Variants in BCAS3 observed in about 807,000 individuals in gnomAD.
The protein encoded by BCAS3 is BCAS3 microtubule associated cell migration factor, also known as BCAS4/BCAS3 fusion.
A neutral mutation model predicts 116.1 loss-of-function variants in BCAS3; 53 were observed. The ratio of observed to expected loss-of-function variants is 0.46; its 90% CI spans 0.37 to 0.57. The LOEUF (loss-of-function observed/expected upper bound fraction) is 0.57. Ranked by LOEUF, BCAS3 falls within the 20% of genes least tolerant of loss-of-function variation. The probability of loss-of-function intolerance (pLI) is 0.00; values close to 1 mark genes in which losing one functional copy is unlikely to be tolerated. For missense variants in BCAS3, 917 were observed against 1,165.4 expected, an observed-to-expected ratio of 0.79 and a Z score of 3.10; for synonymous variants, 391 against 408.2, an observed-to-expected ratio of 0.96 and a Z score of 0.51.
At chr17:60,975,963 T>A (rs1431740721) in intron 14 of BCAS3, among the ~76,000 whole-genome samples, 1 of 151,486 alleles carries the variant, frequency 6.6e-6, no homozygotes, top group African/African-American at 2.4e-5. Context: ...GACATTTAAG[T>A]TGTTTCCACA....
chr17:60,893,600 C>CTTT (rs930873750), intron 10 of BCAS3, among the ~76,000 whole-genome samples: 1,063 of 82,062 alleles, frequency 0.013, 106 homozygotes, highest in African/African-American at 0.038. Context: ...GACCTATGAT[C>CTTT]TTTTTTTTTT....
At chr17:60,700,001 C>T (rs1213619221) in intron 4 of BCAS3, among the ~76,000 whole-genome samples, 2 of 151,784 alleles carry the variant, frequency 1.3e-5, no homozygotes, top group African/African-American at 4.8e-5. Context: ...AGTGAAATCC[C>T]ATCTCTACAA....
At chr17:61,001,299 A>G (rs1001128336) in intron 15 of BCAS3, among the ~76,000 whole-genome samples, 7 of 151,928 alleles carry the variant, frequency 4.6e-5, no homozygotes, top group African/African-American at 1.7e-4. Context: ...TAGCATCTGT[A>G]TGAGGCATTC....
At chr17:60,781,888 G>C (rs184605570) in intron 6 of BCAS3, among the ~76,000 whole-genome samples, 1 of 151,798 alleles carries the variant, frequency 6.6e-6, no homozygotes, top group South Asian at 2.1e-4. Flanking sequence ...AAGCTTTCTG[G>C]TTCTTTCTTT....
chr17:61,034,790 G>A lies in BCAS3; in HGVS notation c.1762G>A (p.Asp588Asn). The A allele has an allele frequency of 6.3e-7, 1 of 1,589,456 alleles. No homozygotes were observed. The highest frequency in any genetic ancestry group is 8.5e-7 in the Non-Finnish European group (1 of 1,172,032). The change falls in exon 17 of 24, where the codon GAT becomes AAT. Residue 588 changes from aspartate to asparagine, a missense_variant and splice_region_variant. Physicochemically the swap from Asp to Asn is conservative, Grantham distance 23. Transcript: ENST00000407086. The surrounding 1 kb of genome is among the most constrained non-coding windows in gnomAD (Gnocchi z 5.0). ...TAATGCAGGTCTGAAAAGAGAAAAA[G>A]GTATGTATTTTTACTGAAAAATGAA... ...ANNAGLKREK[D>N]QSKQVVVESL...
At position 60,993,206 on chromosome 17, in the gene BCAS3, C is replaced by A. The variant is rs1198432229; in HGVS notation, c.1486+2971C>A. 2.0e-5 allele frequency among the ~76,000 whole-genome samples: 3 copies of A among 152,138 alleles called. No individual in the cohort carries two copies. Among genetic ancestry groups the A allele is most frequent in the East Asian group, 1.9e-4 (1 of 5,206 alleles). ...AAGACAGATATTAAATGACTGTGAA[C>A]AAATACCTTTCAATATACTTTTGTT... On this transcript the variant is annotated intron_variant, in intron 15 of 23. Coordinates refer to ENST00000407086, the MANE Select transcript of BCAS3 (RefSeq NM_017679.5). This position sits in a 1 kb window ranked among gnomAD's most constrained non-coding sequence, Gnocchi z 4.2.
chr17:60,858,646 A>T (rs1236137705), intron 7 of BCAS3, among the ~76,000 whole-genome samples: 1 of 152,036 alleles, frequency 6.6e-6, no homozygotes, highest in Non-Finnish European at 1.5e-5. Context: ...TGTATGTTTA[A>T]TTTTTTTACA....
At chr17:61,237,185 C>T (rs1389159228) in intron 22 of BCAS3, among the ~76,000 whole-genome samples, 2 of 152,126 alleles carry the variant, frequency 1.3e-5, no homozygotes, top group African/African-American at 4.8e-5. Flanking sequence ...ACACACCAAT[C>T]AGCACTCTGC....
chr17:60,716,228 C>G (rs1598263155), intron 5 of BCAS3, among the ~76,000 whole-genome samples: 1 of 152,012 alleles, frequency 6.6e-6, no homozygotes, highest in Non-Finnish European at 1.5e-5. Context: ...GGGGTAAGCA[C>G]AATAGATGTG....
Position 61,082,822 on chromosome 17 carries a change from A to T in BCAS3, c.2328-1645A>T, listed in dbSNP as rs935742430. Among the ~76,000 whole-genome samples the T allele has an allele frequency of 6.6e-6, 1 of 152,186 alleles. No individual in the cohort carries two copies. The highest frequency in any genetic ancestry group is 2.4e-5 in the African/African-American group (1 of 41,438). Reference sequence around the variant, plus strand: ...GGTGGAATGAATATTGGGTAGTCCTACATAGCAGTGATCAATATTTGTTAA... The same window carrying T: ...GGTGGAATGAATATTGGGTAGTCCTTCATAGCAGTGATCAATATTTGTTAA... On this transcript the variant is annotated intron_variant, in intron 21 of 23. Coordinates refer to ENST00000407086, the MANE Select transcript of BCAS3 (RefSeq NM_017679.5). This position sits in a 1 kb window ranked among gnomAD's most constrained non-coding sequence, Gnocchi z 5.1.
chr17:61,042,891 C>CAAAAAAAAAAAAAAAAAAAA (rs35629825), intron 19 of BCAS3, among the ~76,000 whole-genome samples: 10 of 58,284 alleles, frequency 1.7e-4, no homozygotes, highest in African/African-American at 5.0e-4. Flanking sequence ...CTCCATCTCA[C>CAAAAAAAAAAAAAAAAAAAA]AAAAAAAAAA....
intron 10 of BCAS3, among the ~76,000 whole-genome samples, chr17:60,897,222 G>T (rs576261756): frequency 2.5e-4 from 38 of 152,180 alleles, no homozygotes; most frequent in Non-Finnish European, 4.9e-4. Context: ...TCAACCCTTT[G>T]AATCTATAAT....
rs1286793417 is a variant in BCAS3 at position 61,251,536 on chromosome 17, C to T, written c.2426-116791C>T. On this transcript the variant is annotated intron_variant, in intron 22 of 23. Coordinates refer to ENST00000407086, the MANE Select transcript of BCAS3 (RefSeq NM_017679.5). This position sits in a 1 kb window ranked among gnomAD's most constrained non-coding sequence, Gnocchi z 4.7. ...AGTGAGCCGAGATTGCGCCATTCCA[C>T]TCCAGCCTGGGCAACAAGAGCGAAA... 2.0e-5 allele frequency among the ~76,000 whole-genome samples: 3 copies of T among 150,692 alleles called. No homozygotes were observed. Among genetic ancestry groups the T allele is most frequent in the Admixed American group, 1.3e-4 (2 of 15,070 alleles).
chr17:60,716,872 C>A (rs75697151), intron 5 of BCAS3, among the ~76,000 whole-genome samples: 5 of 152,138 alleles, frequency 3.3e-5, no homozygotes, highest in African/African-American at 1.2e-4. Context: ...TTCTTTCACT[C>A]AGCAAAGATT....
intron 12 of BCAS3, among the ~76,000 whole-genome samples, chr17:60,921,813 TA>T (rs140043756): frequency 1.1e-4 from 16 of 146,354 alleles, no homozygotes; most frequent in Admixed American, 4.8e-4. Flanking sequence ...AAGTTGAAAT[TA>T]AAAAAAAAAC....
At chr17:60,790,211 G>A (rs2046641525) in intron 6 of BCAS3, among the ~76,000 whole-genome samples, 1 of 152,132 alleles carries the variant, frequency 6.6e-6, no homozygotes, top group African/African-American at 2.4e-5. Context: ...TACTTCAGTA[G>A]GTTAGTGAAA....
chr17:60,971,628 G>A (rs1442485665), intron 14 of BCAS3, among the ~76,000 whole-genome samples: 3 of 152,170 alleles, frequency 2.0e-5, no homozygotes. Flanking sequence ...TCAGGCCCAG[G>A]TATTTAAAGG....
rs2070238823 is a variant in BCAS3 at position 61,063,132 on chromosome 17, A to T, written c.2030-11788A>T. Among the ~76,000 whole-genome samples the T allele has an allele frequency of 6.6e-6, 1 of 152,144 alleles. No individual in the cohort carries two copies. On this transcript the variant is annotated intron_variant, in intron 19 of 23. Coordinates refer to ENST00000407086, the MANE Select transcript of BCAS3 (RefSeq NM_017679.5). The surrounding 1 kb of genome is among the most constrained non-coding windows in gnomAD (Gnocchi z 5.3). ...AGCATCCTAAAAAACTGTTGCCGTGACCTTTGCTCTTGCCCACTTTTGCTT... is the reference window on the plus strand; with the variant it reads ...AGCATCCTAAAAAACTGTTGCCGTGTCCTTTGCTCTTGCCCACTTTTGCTT...
At chr17:61,297,051 A>G (rs1392781760) in intron 22 of BCAS3, among the ~76,000 whole-genome samples, 2 of 152,234 alleles carry the variant, frequency 1.3e-5, no homozygotes, top group Non-Finnish European at 2.9e-5. Flanking sequence ...GACTGGATCC[A>G]GGAAACCGCC....
Sources: allele counts gnomAD v4.1 joint callset (sites outside exome capture counted in the v4.1 genomes callset), GRCh38; gene constraint gnomAD v4.1.1; non-coding constraint Gnocchi (gnomAD v3.1); transcripts MANE v1.5; gene names NCBI Gene and HGNC (gene_info 2026-07-23, HGNC 2026-07-21).